The following CDIN1 variants were observed in gnomAD, a reference collection of about 807,000 sequenced individuals.
CDIN1 encodes the protein CDAN1-interacting nuclease 1.
A neutral mutation model predicts 45.3 loss-of-function variants in CDIN1; 33 were observed. The ratio of observed to expected loss-of-function variants is 0.73; its 90% CI spans 0.55 to 0.97. The LOEUF is 0.97. CDIN1 is among the 50% of genes least tolerant of loss of function. The pLI is 0.00. For missense variants in CDIN1, 303 were observed against 339.4 expected, an observed-to-expected ratio of 0.89 and a Z score of 0.84; for synonymous variants, 118 against 124.4, an observed-to-expected ratio of 0.95 and a Z score of 0.34.
At chr15:36,616,510 G>C (rs1782985174) in intron 1 of CDIN1, among the ~76,000 whole-genome samples, 1 of 151,974 alleles carries the variant, frequency 6.6e-6, no homozygotes, top group Admixed American at 6.5e-5. Flanking sequence ...TCAAACTCCT[G>C]ACCTCAGGTG....
At chr15:36,773,601 A>C (rs546497409) in intron 10 of CDIN1, among the ~76,000 whole-genome samples, 7 of 152,314 alleles carry the variant, frequency 4.6e-5, no homozygotes, top group Non-Finnish European at 1.0e-4. Context: ...GCCTTAAAGT[A>C]TGGGATGAAA....
intron 10 of CDIN1, among the ~76,000 whole-genome samples, chr15:36,800,863 GTGTGTGTGTGTATATA>G (rs1404279338): frequency 1.1e-3 from 63 of 58,082 alleles, no homozygotes; most frequent in South Asian, 3.7e-3. Flanking sequence ...ATACATATGT[GTGTGTGTGTGTATATA>G]TGTGTGTGTG....
rs573073196 is a variant in CDIN1 at position 36,732,181 on chromosome 15, C to T, written c.716+22220C>T. Among the ~76,000 whole-genome samples, 8 of 152,228 alleles carry T rather than the reference C, an allele frequency of 5.3e-5. No individual in the cohort carries two copies. The South Asian group carries it at 1.5e-3, about 28-fold the overall frequency. On this transcript the variant is annotated intron_variant, in intron 10 of 10. Transcript: ENST00000566621. ...TAAATTTGAGAAGTTTGGCAGGTTT[C>T]ACTTTGTCAGCCCAATGCTGCACTT...
At chr15:36,606,875 G>A (rs769022557) in intron 1 of CDIN1, among the ~76,000 whole-genome samples, 1 of 152,092 alleles carries the variant, frequency 6.6e-6, no homozygotes, top group Non-Finnish European at 1.5e-5. Context: ...GTACAATTAG[G>A]GGGTGGTTAA....
intron 1 of CDIN1, among the ~76,000 whole-genome samples, chr15:36,625,398 ATG>A (rs1429215044): frequency 6.6e-6 from 1 of 152,184 alleles, no homozygotes; most frequent in African/African-American, 2.4e-5. Context: ...TAACCTCTAG[ATG>A]TTCATTCACT....
At chr15:36,790,679 A>G (rs568818208) in intron 10 of CDIN1, among the ~76,000 whole-genome samples, 1 of 152,366 alleles carries the variant, frequency 6.6e-6, no homozygotes, top group East Asian at 1.9e-4. Flanking sequence ...AAAAAATATT[A>G]AAGGTTGAGA....
At chr15:36,771,803 C>T (rs2054085069) in intron 10 of CDIN1, among the ~76,000 whole-genome samples, 1 of 152,042 alleles carries the variant, frequency 6.6e-6, no homozygotes, top group Non-Finnish European at 1.5e-5. Flanking sequence ...GTGGTGGGTG[C>T]CTGTGATCCA....
intron 1 of CDIN1, among the ~76,000 whole-genome samples, chr15:36,592,246 G>C (rs2037612925): frequency 6.6e-6 from 1 of 152,216 alleles, no homozygotes; most frequent in South Asian, 2.1e-4. Flanking sequence ...CAGCTTGTGA[G>C]AGCTGATGGT....
At chr15:36,757,225 A>G (rs7183966) in intron 10 of CDIN1, among the ~76,000 whole-genome samples, 21,565 of 152,144 alleles carry the variant, frequency 0.14, 1,728 homozygotes, top group African/African-American at 0.2. Context: ...CGTGGGAATA[A>G]CAGTTAGGGT....
intron 10 of CDIN1, among the ~76,000 whole-genome samples, chr15:36,800,905 GTGTGTATATATATA>G (rs2055009602): frequency 4.5e-5 from 1 of 22,102 alleles, no homozygotes; most frequent in African/African-American, 1.2e-4. Flanking sequence ...GTGTGTGTGT[GTGTGTATATATATA>G]TATATATATA....
chr15:36,657,784 C>G (rs1352442384), intron 4 of CDIN1, 49 bp from the exon 5 acceptor site: 1 of 1,449,380 alleles, frequency 6.9e-7, no homozygotes, highest in Non-Finnish European at 9.5e-7. Flanking sequence ...GGAGTATCCA[C>G]TGCTCGCACA....
chr15:36,630,445 T>C (rs1476852448), intron 1 of CDIN1, among the ~76,000 whole-genome samples: 1 of 152,206 alleles, frequency 6.6e-6, no homozygotes. Flanking sequence ...CCAATCAGTT[T>C]ACAGACGGTG....
chr15:36,630,233 A>T (rs1341333096), intron 1 of CDIN1, among the ~76,000 whole-genome samples: 1 of 152,258 alleles, frequency 6.6e-6, no homozygotes, highest in Non-Finnish European at 1.5e-5. Flanking sequence ...TAGAACTGCT[A>T]CAGTAGGCCC....
chr15:36,703,379 TATATATCAG>T (rs1566914985), intron 8 of CDIN1, among the ~76,000 whole-genome samples: 9 of 25,460 alleles, frequency 3.5e-4, no homozygotes, highest in African/African-American at 1.7e-3. Context: ...ATCATATATA[TATATATCAG>T]ATATATATAT....
intron 10 of CDIN1, among the ~76,000 whole-genome samples, chr15:36,797,836 T>C (rs1350522856): frequency 1.3e-5 from 2 of 151,666 alleles, no homozygotes; most frequent in Non-Finnish European, 2.9e-5. Context: ...AAAAATTAGC[T>C]GGGCATGGTG....
chr15:36,614,646 C>T (rs1308031538), intron 1 of CDIN1, among the ~76,000 whole-genome samples: 1 of 152,094 alleles, frequency 6.6e-6, no homozygotes, highest in African/African-American at 2.4e-5. Flanking sequence ...AAGGTATAGG[C>T]CTGCCTTACT....
intron 4 of CDIN1, 108 bp from the exon 5 acceptor site, chr15:36,657,725 T>A: frequency 1.2e-6 from 1 of 818,790 alleles, no homozygotes; most frequent in Non-Finnish European, 2.0e-6. Flanking sequence ...GAATGATGCT[T>A]GCTATGGTTG....
intron 3 of CDIN1, among the ~76,000 whole-genome samples, chr15:36,648,454 C>A (rs1308422990): frequency 1.6e-4 from 9 of 56,866 alleles, no homozygotes; most frequent in Non-Finnish European, 2.5e-4. Context: ...TTTTTTGAGA[C>A]GGAGTCTCCC....
chr15:36,746,940 G>A, intron 10 of CDIN1: 1 of 397,838 alleles, frequency 2.5e-6, no homozygotes, highest in East Asian at 3.6e-5. Context: ...TGTAGAGATG[G>A]GATCTCACAA....
Sources: allele counts gnomAD v4.1 joint callset (sites outside exome capture counted in the v4.1 genomes callset), GRCh38; gene constraint gnomAD v4.1.1; transcripts MANE v1.5; gene names NCBI Gene and HGNC (gene_info 2026-07-23, HGNC 2026-07-21).